The following TBCK variants were observed in gnomAD, a reference collection of about 807,000 sequenced individuals.
TBCK encodes the protein TBC domain-containing protein kinase-like protein.
Under a neutral mutation model 113.4 loss-of-function variants are expected in TBCK, and 99 were observed. The observed-to-expected ratio is 0.87, with a 90% CI of 0.74 to 1.03. The LOEUF (loss-of-function observed/expected upper bound fraction) is 1.03. Among genes scored for constraint, TBCK ranks in the 50% least tolerant of loss-of-function variants. The pLI is 0.00. For synonymous variants in TBCK, 369 were observed against 370.8 expected, an observed-to-expected ratio of 1.00 and a Z score of 0.05; for missense variants, 1,045 against 1,061.3, an observed-to-expected ratio of 0.98 and a Z score of 0.21.
chr4:106,116,156 T>G, intron 24 of TBCK, 47 bp downstream of exon 24: 1 of 1,536,598 alleles, frequency 6.5e-7, no homozygotes, highest in Non-Finnish European at 8.9e-7. Flanking sequence ...AAGGATGCAA[T>G]ACAAATAAGC....
chr4:106,187,949 C>G (rs1753214545), intron 22 of TBCK, among the ~76,000 whole-genome samples: 1 of 152,142 alleles, frequency 6.6e-6, no homozygotes, highest in Admixed American at 6.6e-5. Flanking sequence ...AGCTCTTGAG[C>G]AGAGGCTATG....
chr4:106,049,485 T>C (rs139481722), intron 25 of TBCK, among the ~76,000 whole-genome samples: 1 of 152,176 alleles, frequency 6.6e-6, no homozygotes, highest in Non-Finnish European at 1.5e-5. Context: ...ATATTCTTTG[T>C]GGCTATAGCT....
At chr4:106,075,656 CTT>C (rs1491258454) in intron 25 of TBCK, among the ~76,000 whole-genome samples, 3 of 152,076 alleles carry the variant, frequency 2.0e-5, no homozygotes, top group Non-Finnish European at 4.4e-5. Flanking sequence ...TACCTATTGA[CTT>C]ATATATATGT....
At position 106,181,986 on chromosome 4, in the gene TBCK, C is replaced by T. The variant is rs1752450613; in HGVS notation, c.2060-10716G>A. On this transcript the variant is annotated intron_variant, in intron 22 of 25. Coordinates refer to ENST00000394708, the MANE Select transcript of TBCK (RefSeq NM_001163435.3). Reference sequence around the variant, plus strand: ...TAAGGCTATTTTCACAATATTGATTCTTCCTATCCATGAGCATGGAATGTT... The same window carrying T: ...TAAGGCTATTTTCACAATATTGATTTTTCCTATCCATGAGCATGGAATGTT... 2.0e-5 allele frequency among the ~76,000 whole-genome samples: 3 copies of T among 152,150 alleles called. No individual in the cohort carries two copies. The South Asian group carries it at 6.2e-4, about 32-fold the overall frequency.
At chr4:106,129,634 A>G (rs978132156) in intron 23 of TBCK, among the ~76,000 whole-genome samples, 2 of 152,230 alleles carry the variant, frequency 1.3e-5, no homozygotes, top group Non-Finnish European at 1.5e-5. Context: ...GGGGAGATAT[A>G]AACATATACT....
chr4:106,114,899 G>A (rs146215340), intron 24 of TBCK, among the ~76,000 whole-genome samples: 34 of 152,166 alleles, frequency 2.2e-4, no homozygotes, highest in Admixed American at 5.2e-4. Context: ...TGCCTCATTC[G>A]GGAGTCCACT....
chr4:106,061,220 G>T (rs1363580401), intron 25 of TBCK, among the ~76,000 whole-genome samples: 4 of 151,778 alleles, frequency 2.6e-5, no homozygotes, highest in African/African-American at 9.7e-5. Flanking sequence ...AAATAGCACT[G>T]CATGCTACAG....
At chr4:106,170,257 T>C (rs926441353) in intron 23 of TBCK, among the ~76,000 whole-genome samples, 2 of 152,108 alleles carry the variant, frequency 1.3e-5, no homozygotes, top group African/African-American at 2.4e-5. Context: ...ATAATGCAAA[T>C]ATTTATTTAT....
At chr4:106,191,339 T>C (rs1446021651) in intron 22 of TBCK, among the ~76,000 whole-genome samples, 1 of 152,168 alleles carries the variant, frequency 6.6e-6, no homozygotes, top group Non-Finnish European at 1.5e-5. Context: ...CTGAATATCT[T>C]GCTATAAAAT....
At chr4:106,197,330 A>G (rs1376948953) in intron 20 of TBCK, among the ~76,000 whole-genome samples, 1 of 136,330 alleles carries the variant, frequency 7.3e-6, no homozygotes, top group Admixed American at 7.2e-5. Flanking sequence ...AATCTTTGCT[A>G]ATTACTGAAG....
At chr4:106,268,186 T>C (rs533907594) in intron 3 of TBCK, among the ~76,000 whole-genome samples, 114 of 152,164 alleles carry the variant, frequency 7.5e-4, no homozygotes, top group African/African-American at 2.6e-3. Flanking sequence ...ACAGATATGG[T>C]TTGCCATTTC....
At chr4:106,077,472 A>AGATT (rs1357840603) in intron 25 of TBCK, among the ~76,000 whole-genome samples, 1 of 152,244 alleles carries the variant, frequency 6.6e-6, no homozygotes, top group Non-Finnish European at 1.5e-5. Flanking sequence ...GAATGGAGAA[A>AGATT]GATTGATTAG....
At chr4:106,278,558 C>CAAAAA (rs376599844) in intron 3 of TBCK, among the ~76,000 whole-genome samples, 4 of 22,154 alleles carry the variant, frequency 1.8e-4, no homozygotes, top group African/African-American at 6.7e-4. Flanking sequence ...AACTCTGTCT[C>CAAAAA]AAAAAAAAAA....
At chr4:106,226,606 C>T (rs965369304) in intron 19 of TBCK, among the ~76,000 whole-genome samples, 2 of 152,130 alleles carry the variant, frequency 1.3e-5, no homozygotes, top group African/African-American at 4.8e-5. Flanking sequence ...CATTATATTG[C>T]TGACATATTT....
At chr4:106,056,291 A>C (rs1265218428) in intron 25 of TBCK, among the ~76,000 whole-genome samples, 1 of 148,796 alleles carries the variant, frequency 6.7e-6, no homozygotes, top group Admixed American at 6.7e-5. Flanking sequence ...TTTTTGTAGA[A>C]ACAAGGTCTC....
At chr4:106,066,165 A>G (rs987545940) in intron 25 of TBCK, among the ~76,000 whole-genome samples, 13 of 152,032 alleles carry the variant, frequency 8.6e-5, no homozygotes, top group Admixed American at 3.3e-4. Context: ...TCTGTCTTCT[A>G]TGTGAGTTTA....
intron 19 of TBCK, among the ~76,000 whole-genome samples, chr4:106,228,995 A>G (rs1579321447): frequency 6.6e-6 from 1 of 152,064 alleles, no homozygotes; most frequent in Admixed American, 6.6e-5. Context: ...CTGATCATCA[A>G]TGATGTTGAG....
intron 25 of TBCK, among the ~76,000 whole-genome samples, chr4:106,079,084 C>G (rs758025107): frequency 3.9e-5 from 6 of 152,078 alleles, no homozygotes; most frequent in Non-Finnish European, 8.8e-5. Context: ...ATGTGAAAGT[C>G]TCAATAAATG....
Position 106,247,136 on chromosome 4 carries a change from T to C in TBCK, c.931+3A>G, listed in dbSNP as rs748718105. 3.1e-6 allele frequency: 5 copies of C among 1,606,704 alleles called. No homozygotes were observed. The highest frequency in any genetic ancestry group is 4.2e-6 in the Non-Finnish European group (5 of 1,178,082). ...TATTCTCTATGCTTTAATTTATCATTACCTTTACACAACTGACTGATATCC... is the reference window on the plus strand; with the variant it reads ...TATTCTCTATGCTTTAATTTATCATCACCTTTACACAACTGACTGATATCC... On this transcript the variant is annotated splice_donor_region_variant and intron_variant, in intron 10 of 25. Coordinates refer to ENST00000394708, the MANE Select transcript of TBCK (RefSeq NM_001163435.3).
Sources: gnomAD v4.1 joint callset for allele counts (sites outside exome capture counted in the v4.1 genomes callset) on GRCh38, gnomAD v4.1.1 for gene constraint, MANE v1.5 for transcripts, NCBI Gene and HGNC (gene_info 2026-07-23, HGNC 2026-07-21) for gene names.